Variants in PCLO observed in about 807,000 individuals in gnomAD.
PCLO encodes protein piccolo.
A neutral mutation model predicts 427.5 loss-of-function variants in PCLO; 82 were observed. The ratio of observed to expected loss-of-function variants is 0.19; its 90% CI spans 0.16 to 0.23. PCLO has a LOEUF of 0.23. Among genes scored for constraint, PCLO ranks in the 10% least tolerant of loss-of-function variants. The probability of loss-of-function intolerance (pLI) is 1.00; values close to 1 mark genes in which losing one functional copy is unlikely to be tolerated. For missense variants in PCLO, 6,239 were observed against 6,115.9 expected (o/e 1.02, Z -0.67); for synonymous variants, 2,357 against 2,155.4 (o/e 1.09, Z -2.59).
chr7:82,792,736 T>C (rs948674881), intron 22 of PCLO, among the ~76,000 whole-genome samples: 40 of 152,204 alleles, frequency 2.6e-4, no homozygotes, highest in African/African-American at 9.2e-4. Context: ...AGAAACCCAC[T>C]GCCAATTATT....
intron 21 of PCLO, among the ~76,000 whole-genome samples, chr7:82,804,983 G>C (rs1293553335): frequency 1.3e-5 from 2 of 152,066 alleles, no homozygotes; most frequent in African/African-American, 2.4e-5. Flanking sequence ...TTTGTTATTG[G>C]AACAGACATA....
intron 3 of PCLO, among the ~76,000 whole-genome samples, chr7:83,092,192 A>G (rs922888148): frequency 1.8e-4 from 27 of 152,178 alleles, no homozygotes; most frequent in African/African-American, 6.5e-4. Flanking sequence ...ATGATTTGTA[A>G]GTCACCCTGC....
chr7:83,148,464 CCA>C (rs1414335968), intron 2 of PCLO, among the ~76,000 whole-genome samples: 1 of 152,094 alleles, frequency 6.6e-6, no homozygotes, highest in African/African-American at 2.4e-5. Context: ...TCTCATATTC[CCA>C]GAGTCTAGAA....
intron 3 of PCLO, among the ~76,000 whole-genome samples, chr7:82,996,166 TA>T (rs1796491741): frequency 6.6e-6 from 1 of 151,894 alleles, no homozygotes; most frequent in Non-Finnish European, 1.5e-5. Context: ...CTGATTTTGC[TA>T]AAAATTATGC....
chr7:82,908,751 G>C (rs1262630222), intron 8 of PCLO, 126 bp downstream of exon 8: 1 of 839,846 alleles, frequency 1.2e-6, no homozygotes, highest in African/African-American at 1.7e-5. Context: ...TTATGTTATT[G>C]GAAAAAATCA....
At chr7:83,126,593 A>G (rs1056778479) in intron 3 of PCLO, among the ~76,000 whole-genome samples, 6 of 152,230 alleles carry the variant, frequency 3.9e-5, no homozygotes, top group East Asian at 1.9e-4. Context: ...AAAAATTCAT[A>G]TAAGAATGAA....
At chr7:83,093,492 A>ATATATATATTTTTT in intron 3 of PCLO, among the ~76,000 whole-genome samples, 3 of 59,320 alleles carry the variant, frequency 5.1e-5, no homozygotes, top group African/African-American at 1.1e-4. Flanking sequence ...ATATATATAT[A>ATATATATATTTTTT]TTTTTTTTTT....
chr7:82,864,432 G>A (rs1793042060), intron 10 of PCLO, among the ~76,000 whole-genome samples: 1 of 152,106 alleles, frequency 6.6e-6, no homozygotes, highest in Non-Finnish European at 1.5e-5. Context: ...GGTGAGAATG[G>A]ATAAAGATGA....
intron 3 of PCLO, among the ~76,000 whole-genome samples, chr7:83,109,820 TTAATA>T (rs755904112): frequency 8.5e-5 from 13 of 152,234 alleles, no homozygotes; most frequent in South Asian, 4.1e-4. Context: ...AACATTTTAT[TTAATA>T]TAAGTATATA....
Position 82,956,906 on chromosome 7 carries a change from T to G in PCLO, c.4047A>C (p.Ser1349=), listed in dbSNP as rs1016294749. 6.2e-7 allele frequency: 1 copy of G among 1,607,846 alleles called. No homozygotes were observed. Among genetic ancestry groups the G allele is most frequent in the Non-Finnish European group, 8.5e-7 (1 of 1,177,540 alleles). The change falls in exon 5 of 25, where the codon TCA becomes TCC. Residue 1349 remains serine (S), a synonymous_variant. Coordinates refer to ENST00000333891, the MANE Select transcript of PCLO (RefSeq NM_033026.6). ...TEKEDDKSDT[S]SSQQPKSPQG... ...GGGGGCTTTTAGGCTGCTGAGAACT[T>G]GAGGTGTCTGATTTGTCATCTTCCT...
At chr7:83,150,504 G>A (rs114785635) in intron 2 of PCLO, among the ~76,000 whole-genome samples, 2,074 of 152,316 alleles carry the variant, frequency 0.014, 69 homozygotes, top group African/African-American at 0.047. Context: ...AAGTGCTCAT[G>A]TGTGGCAGGG....
At chr7:83,012,238 C>G (rs1047770203) in intron 3 of PCLO, among the ~76,000 whole-genome samples, 4 of 152,022 alleles carry the variant, frequency 2.6e-5, no homozygotes, top group African/African-American at 7.2e-5. Flanking sequence ...GAATACGCAT[C>G]TTTCATCTGG....
chr7:82,841,738 G>C (rs76542465), intron 13 of PCLO, among the ~76,000 whole-genome samples: 2,564 of 152,060 alleles, frequency 0.017, 86 homozygotes, highest in African/African-American at 0.059. Context: ...CGGCTTTGAA[G>C]CTGTAATTTT....
At chr7:82,893,402 A>G (rs1054866247) in intron 9 of PCLO, among the ~76,000 whole-genome samples, 17 of 152,150 alleles carry the variant, frequency 1.1e-4, no homozygotes, top group Admixed American at 6.5e-5. Flanking sequence ...GGCAGGGAAC[A>G]TCACACACTG....
chr7:82,997,627 G>A (rs1787661445), intron 3 of PCLO, among the ~76,000 whole-genome samples: 1 of 151,894 alleles, frequency 6.6e-6, no homozygotes, highest in Non-Finnish European at 1.5e-5. Context: ...CCAAAGACAA[G>A]TTTATAAAGA....
intron 3 of PCLO, among the ~76,000 whole-genome samples, chr7:83,016,901 G>A (rs960884154): frequency 2.0e-5 from 3 of 152,052 alleles, no homozygotes; most frequent in African/African-American, 7.2e-5. Context: ...AGATAGCAGA[G>A]CCAATGGCAA....
At chr7:82,763,591 A>C (rs1224479123) in intron 22 of PCLO, among the ~76,000 whole-genome samples, 1 of 152,038 alleles carries the variant, frequency 6.6e-6, no homozygotes, top group African/African-American at 2.4e-5. Context: ...TTCTGGATTA[A>C]GCAACTGTTT....
rs188759051 is a variant in PCLO, at chr7:83,065,771, A to G, written c.3300+68479T>C. 7.2e-5 allele frequency among the ~76,000 whole-genome samples: 11 copies of G among 152,190 alleles called. No individual in the cohort carries two copies. In the East Asian group the frequency reaches 2.1e-3, roughly 29 times the overall value. On this transcript the variant is annotated intron_variant, in intron 3 of 24. Coordinates refer to ENST00000333891, the MANE Select transcript of PCLO (RefSeq NM_033026.6). ...CTTTCATTTGTCTTTCCTGTGCCCC[A>G]GCTAAATGAACAAATACATGGAAGT...
rs745824155 is a variant in PCLO, at chr7:83,093,472, G to GTGTGTGTGTGTATATATATATATA, written c.3300+40777_3300+40778insTATATATATATATACACACACACA. Reference sequence around the variant, plus strand: ...ACCACAAACATATATATGTGTGTGTGTATAGATATATATATATATATTTTT... The same window carrying GTGTGTGTGTGTATATATATATATA: ...ACCACAAACATATATATGTGTGTGTGTGTGTGTGTGTATATATATATATATATAGATATATATATATATATTTTT... On this transcript the variant is annotated intron_variant, in intron 3 of 24. Coordinates refer to ENST00000333891, the MANE Select transcript of PCLO (RefSeq NM_033026.6). Among the ~76,000 whole-genome samples the GTGTGTGTGTGTATATATATATATA allele has an allele frequency of 2.4e-3, 241 of 99,044 alleles. 23 individuals are homozygous for GTGTGTGTGTGTATATATATATATA. Among genetic ancestry groups the GTGTGTGTGTGTATATATATATATA allele is most frequent in the Non-Finnish European group, 3.4e-3 (182 of 53,646 alleles). 65.0% of individuals were successfully genotyped at this position (99,044 alleles called of 152,430 possible). A position where few individuals can be genotyped will look rare whatever the true frequency, so the allele number is the denominator to read the frequency against.
Sources: allele counts gnomAD v4.1 joint callset (sites outside exome capture counted in the v4.1 genomes callset), GRCh38; gene constraint gnomAD v4.1.1; transcripts MANE v1.5; gene names NCBI Gene and HGNC (gene_info 2026-07-23, HGNC 2026-07-21).